STX8: variants seen among roughly 807,000 people sequenced by gnomAD.
The protein encoded by STX8 is syntaxin-8.
In STX8, 23 loss-of-function variants were observed where a neutral mutation model predicts 37.5. The observed-to-expected ratio is 0.61, with a 90% CI of 0.44 to 0.87. The LOEUF (loss-of-function observed/expected upper bound fraction) is 0.87. STX8 is among the 40% of genes least tolerant of loss of function. The probability of loss-of-function intolerance (pLI) is 0.00; values close to 1 mark genes in which losing one functional copy is unlikely to be tolerated. For missense variants in STX8, 313 were observed against 284.7 expected (o/e 1.10, Z -0.71); for synonymous variants, 115 against 99.1 (o/e 1.16, Z -0.95).
At chr17:9,516,025 GA>G (rs888759755) in intron 4 of STX8, among the ~76,000 whole-genome samples, 10 of 151,930 alleles carry the variant, frequency 6.6e-5, no homozygotes, top group Non-Finnish European at 1.5e-4. Flanking sequence ...TTCAAATCAG[GA>G]ATTACACAGG....
chr17:9,568,505 G>A, intron 1 of STX8, 35 bp from the exon 2 acceptor site: 2 of 1,575,254 alleles, frequency 1.3e-6, no homozygotes, highest in Admixed American at 1.7e-5. Flanking sequence ...AAATGTTTAA[G>A]GTTCTTTTTT....
chr17:9,499,126 T>C (rs980934360), intron 5 of STX8, among the ~76,000 whole-genome samples: 2 of 152,136 alleles, frequency 1.3e-5, no homozygotes, highest in Non-Finnish European at 2.9e-5. Flanking sequence ...AACTGTAATT[T>C]TGGGATGATT....
At chr17:9,516,396 C>T (rs2142516405) in intron 4 of STX8, among the ~76,000 whole-genome samples, 1 of 140,968 alleles carries the variant, frequency 7.1e-6, no homozygotes, top group Non-Finnish European at 1.5e-5. Context: ...ACAATATGGG[C>T]ACAATTTAAT....
At chr17:9,390,955 C>G (rs1421258236) in intron 6 of STX8, among the ~76,000 whole-genome samples, 1 of 151,648 alleles carries the variant, frequency 6.6e-6, no homozygotes, top group African/African-American at 2.4e-5. Flanking sequence ...AAAAAAGTGA[C>G]AAAACTTTAT....
At chr17:9,498,562 A>G (rs188673812) in intron 5 of STX8, among the ~76,000 whole-genome samples, 232 of 152,324 alleles carry the variant, frequency 1.5e-3, no homozygotes, top group Middle Eastern at 3.4e-3. Context: ...GTATCTTCAA[A>G]GAAAGTTTTC....
intron 7 of STX8, among the ~76,000 whole-genome samples, chr17:9,333,030 C>T (rs1910012422): frequency 6.6e-6 from 1 of 152,162 alleles, no homozygotes; most frequent in Non-Finnish European, 1.5e-5. Context: ...TGAAGATATG[C>T]GTCCAAGTTT....
rs533632501 is a variant in STX8 at position 9,372,921 on chromosome 17, T to C, written c.643+5631A>G. 1.1e-3 allele frequency among the ~76,000 whole-genome samples: 170 copies of C among 150,342 alleles called. 1 individual carries two copies. Among genetic ancestry groups the C allele is most frequent in the African/African-American group, 3.9e-3 (161 of 41,090 alleles). On this transcript the variant is annotated intron_variant, in intron 7 of 7. Coordinates refer to ENST00000306357, the MANE Select transcript of STX8 (RefSeq NM_004853.3). ...GAGATCGAGACCAGCCTGACCAACA[T>C]GGAGAAACTCTGTCTTTAACAAAAA...
chr17:9,304,228 A>C (rs543210987), intron 7 of STX8, among the ~76,000 whole-genome samples: 162 of 152,300 alleles, frequency 1.1e-3, no homozygotes, highest in Admixed American at 2.0e-3. Flanking sequence ...ACAAAAGAGT[A>C]GCCGGGTGCT....
intron 7 of STX8, among the ~76,000 whole-genome samples, chr17:9,351,176 CTTTTTTTTTTTTTTTT>C (rs71135970): frequency 1.0e-5 from 1 of 99,814 alleles, no homozygotes; most frequent in African/African-American, 4.1e-5. Flanking sequence ...ATTTCCTTGT[CTTTTTTTTTTTTTTTT>C]TTTTTTTGAG....
intron 6 of STX8, among the ~76,000 whole-genome samples, chr17:9,409,015 C>G (rs11078798): frequency 0.17 from 25,246 of 151,912 alleles, 2,590 homozygotes; most frequent in East Asian, 0.39. Flanking sequence ...TCCCTACCCC[C>G]CCTACTGCTC....
chr17:9,275,995 T>C (rs926711924), intron 7 of STX8, among the ~76,000 whole-genome samples: 1 of 152,188 alleles, frequency 6.6e-6, no homozygotes, highest in Non-Finnish European at 1.5e-5. Flanking sequence ...ATTAAGGCTT[T>C]TCCAGTCATG....
intron 7 of STX8, among the ~76,000 whole-genome samples, chr17:9,376,408 AAAAATAGACCAATCAGCACTCTGT>A (rs1911588096): frequency 6.6e-6 from 1 of 151,474 alleles, no homozygotes; most frequent in African/African-American, 2.5e-5. Flanking sequence ...AGCACTCTGT[AAAAATAGACCAATCAGCACTCTGT>A]AAAATGGACC....
chr17:9,484,508 G>A (rs766973486), intron 6 of STX8, among the ~76,000 whole-genome samples: 1 of 151,882 alleles, frequency 6.6e-6, no homozygotes, highest in Non-Finnish European at 1.5e-5. Flanking sequence ...CCAGCCACTG[G>A]GAAAAGTTTA....
At chr17:9,345,477 C>T (rs1383120881) in intron 7 of STX8, among the ~76,000 whole-genome samples, 1 of 151,974 alleles carries the variant, frequency 6.6e-6, no homozygotes, top group Non-Finnish European at 1.5e-5. Flanking sequence ...TACCTGGTTG[C>T]CATTTGAATT....
intron 6 of STX8, among the ~76,000 whole-genome samples, chr17:9,380,854 C>T (rs9908250): frequency 0.21 from 31,190 of 151,076 alleles, 3,261 homozygotes; most frequent in Non-Finnish European, 0.22. Flanking sequence ...AGTGGGATTA[C>T]GGGTGCGCAC....
At chr17:9,331,657 T>C (rs1162941786) in intron 7 of STX8, among the ~76,000 whole-genome samples, 3 of 152,180 alleles carry the variant, frequency 2.0e-5, no homozygotes, top group Non-Finnish European at 4.4e-5. Context: ...CGCTCTCAAT[T>C]TGCATCGCCA....
chr17:9,254,256 CA>C (rs1233381728), intron 7 of STX8, among the ~76,000 whole-genome samples: 1 of 152,172 alleles, frequency 6.6e-6, no homozygotes, highest in Admixed American at 6.5e-5. Flanking sequence ...CCAGCTTCGA[CA>C]CGCGCTATCC....
intron 7 of STX8, among the ~76,000 whole-genome samples, chr17:9,356,007 C>CT (rs1055745619): frequency 7.2e-5 from 11 of 152,108 alleles, no homozygotes; most frequent in Non-Finnish European, 1.0e-4. Flanking sequence ...CCATTCATTG[C>CT]TTTTTTTCAC....
At chr17:9,477,564 A>C (rs1567577640) in intron 6 of STX8, among the ~76,000 whole-genome samples, 2 of 152,268 alleles carry the variant, frequency 1.3e-5, no homozygotes, top group Non-Finnish European at 2.9e-5. Context: ...AATTTTAAAA[A>C]TCAGTGAGAA....
Sources: allele counts gnomAD v4.1 joint callset (sites outside exome capture counted in the v4.1 genomes callset), GRCh38; gene constraint gnomAD v4.1.1; transcripts MANE v1.5; gene names NCBI Gene and HGNC (gene_info 2026-07-23, HGNC 2026-07-21).